The following CES5A variants were observed in gnomAD, a reference collection of about 807,000 sequenced individuals.
The protein encoded by CES5A is carboxylesterase 5A, also known as carboxylesterase 5.
CES5A carries 67 observed loss-of-function variants against 62.9 expected under a neutral mutation model. The observed-to-expected ratio is 1.07, with a 90% CI of 0.88 to 1.31. The LOEUF is 1.31. CES5A is among the 50% of genes most tolerant of loss of function. The pLI, the probability that CES5A is intolerant of heterozygous loss-of-function variation, is 0.00. For synonymous variants in CES5A, 296 were observed against 280.8 expected (o/e 1.05, Z -0.54); for missense variants, 748 against 708.5 (o/e 1.06, Z -0.63).
chr16:55,849,558 C>T lies in CES5A; in HGVS notation c.1423+66G>A, dbSNP rs80247423. The T allele has an allele frequency of 8.4e-3, 13,127 of 1,563,084 alleles. 544 individuals are homozygous for T. In the African/African-American group the frequency reaches 0.11, roughly 13 times the overall value. ...AATGCCAACCCCGAAGTCCTCCAGGCGCTTGCATCGTGGTGGGGTAAGCAA... is the reference window on the plus strand; with the variant it reads ...AATGCCAACCCCGAAGTCCTCCAGGTGCTTGCATCGTGGTGGGGTAAGCAA... On this transcript the variant is annotated intron_variant, in intron 11 of 12. Transcript: ENST00000290567.
At chr16:55,923,820 T>G (rs1168181081) in intron 1 of CES5A, among the ~76,000 whole-genome samples, 1 of 151,872 alleles carries the variant, frequency 6.6e-6, no homozygotes, top group African/African-American at 2.4e-5. Context: ...TAAAACCACT[T>G]GCTTATCTCA....
intron 1 of CES5A, among the ~76,000 whole-genome samples, chr16:55,951,266 A>G (rs1247738238): frequency 6.6e-6 from 1 of 152,140 alleles, no homozygotes; most frequent in African/African-American, 2.4e-5. Flanking sequence ...ATGGAAATTT[A>G]TGTCCTCACA....
At position 55,871,659 on chromosome 16, in the gene CES5A, G is replaced by T. The variant is rs148234688; in HGVS notation, c.383C>A (p.Ala128Glu). ...SEDCLYLNIYAPAHADTGSKL... is the reference protein window; with the variant it reads ...SEDCLYLNIYEPAHADTGSKL... ...GGAGCCTGTATCGGCGTGGGCAGGC[G>T]CATAGATGTTCAGGTAGAGGCAGTC... The change falls in exon 3 of 13, where the codon GCG becomes GAG. Residue 128 changes from alanine to glutamate, a missense_variant. Transcript: ENST00000290567. 5,759 of 1,614,068 alleles carry T rather than the reference G, an allele frequency of 3.6e-3. 178 individuals carry two copies. The East Asian group carries it at 0.057, about 16-fold the overall frequency.
At chr16:55,859,122 G>A (rs74537299) in intron 8 of CES5A, among the ~76,000 whole-genome samples, 3,041 of 152,280 alleles carry the variant, frequency 0.02, 93 homozygotes, top group African/African-American at 0.066. Flanking sequence ...TGCAGCTTAT[G>A]CAACCTTAGC....
chr16:55,878,675 C>T (rs1476781008), upstream of CES5A, among the ~76,000 whole-genome samples: 8 of 147,490 alleles, frequency 5.4e-5, no homozygotes, highest in Non-Finnish European at 1.0e-4. Flanking sequence ...CTCTGCATCC[C>T]ACCACTGCAC....
At chr16:55,890,244 G>A (rs1369081849) in intron 1 of CES5A, among the ~76,000 whole-genome samples, 1 of 151,710 alleles carries the variant, frequency 6.6e-6, no homozygotes, top group Admixed American at 6.6e-5. Context: ...AAAAATGAAA[G>A]AACCTGAAAT....
At chr16:55,858,722 C>G (rs1305336729) in intron 8 of CES5A, among the ~76,000 whole-genome samples, 3 of 152,214 alleles carry the variant, frequency 2.0e-5, no homozygotes, top group African/African-American at 7.2e-5. Flanking sequence ...GGAGGCCAAT[C>G]TATATAAATG....
intron 1 of CES5A, among the ~76,000 whole-genome samples, chr16:55,910,687 C>T (rs2034084014): frequency 6.6e-6 from 1 of 152,164 alleles, no homozygotes; most frequent in South Asian, 2.1e-4. Context: ...TGCAGAAAAT[C>T]CTCAATGTAC....
chr16:55,906,231 A>G (rs2034038933), intron 1 of CES5A, among the ~76,000 whole-genome samples: 1 of 152,212 alleles, frequency 6.6e-6, no homozygotes, highest in South Asian at 2.1e-4. Flanking sequence ...TCTGACTGAG[A>G]TTGTCCCTGT....
At chr16:55,891,987 C>T (rs1375825390) in intron 1 of CES5A, among the ~76,000 whole-genome samples, 3 of 152,182 alleles carry the variant, frequency 2.0e-5, no homozygotes, top group Admixed American at 6.5e-5. Context: ...TCTCTATTAA[C>T]ATAGCTAGAT....
Position 55,871,696 on chromosome 16 carries a change from C to T in CES5A, c.346G>A (p.Gly116Arg), listed in dbSNP as rs760526464. ...AGGTAGAGGCAGTCTTCTGACACTC[C>T]GAATTTCGGGTAATGCACCTTGAGC... is the stretch of plus-strand genomic sequence containing the variant. ...HMLKVHYPKF[G>R]VSEDCLYLNI... The change falls in exon 3 of 13, where the codon GGA (glycine) becomes AGA (arginine). Residue 116 changes from glycine to arginine, a missense_variant. By Grantham distance (125) the Gly-to-Arg change is moderately radical. Transcript: ENST00000290567. 1.8e-5 allele frequency: 29 copies of T among 1,613,974 alleles called. No individual in the cohort carries two copies. Among genetic ancestry groups the T allele is most frequent in the Middle Eastern group, 1.6e-4 (1 of 6,084 alleles).
chr16:55,862,091 G>A (rs1252506248), intron 6 of CES5A, among the ~76,000 whole-genome samples: 2 of 152,014 alleles, frequency 1.3e-5, no homozygotes, highest in Non-Finnish European at 2.9e-5. Flanking sequence ...TTCCCTCCAC[G>A]ATGTCCTTTC....
upstream of CES5A, among the ~76,000 whole-genome samples, chr16:55,878,109 G>C (rs1035381443): frequency 7.9e-5 from 12 of 152,150 alleles, no homozygotes; most frequent in African/African-American, 2.7e-4. Context: ...GGCTCTCCCT[G>C]TTCTCCCAGA....
At chr16:55,864,116 C>T (rs565637525) in intron 5 of CES5A, among the ~76,000 whole-genome samples, 5 of 152,148 alleles carry the variant, frequency 3.3e-5, no homozygotes, top group Non-Finnish European at 5.9e-5. Context: ...GCCCGTATCA[C>T]AAAACTGTTG....
intron 7 of CES5A, among the ~76,000 whole-genome samples, chr16:55,861,120 T>C: frequency 6.6e-6 from 1 of 152,334 alleles, no homozygotes; most frequent in African/African-American, 2.4e-5. Context: ...TCTGGAAGCA[T>C]GCATAACAAG....
chr16:55,885,021 C>T (rs1289860671), intron 1 of CES5A, among the ~76,000 whole-genome samples: 1 of 152,118 alleles, frequency 6.6e-6, no homozygotes, highest in East Asian at 1.9e-4. Context: ...TAATCTTTCC[C>T]CAAGGCTGCC....
chr16:55,931,799 G>A (rs2034314997), intron 2 of CES5A, among the ~76,000 whole-genome samples: 2 of 152,186 alleles, frequency 1.3e-5, no homozygotes, highest in South Asian at 2.1e-4. Context: ...TGAGATTTCT[G>A]AGGACAGGGA....
At chr16:55,900,437 C>T (rs566329703) in intron 1 of CES5A, among the ~76,000 whole-genome samples, 1 of 152,180 alleles carries the variant, frequency 6.6e-6, no homozygotes, top group Non-Finnish European at 1.5e-5. Flanking sequence ...AGGCTTTCCT[C>T]TCGAGGAATA....
At position 55,861,447 on chromosome 16, in the gene CES5A, T is replaced by C; in HGVS notation, c.880A>G (p.Thr294Ala). 6.2e-7 allele frequency: 1 copy of C among 1,613,908 alleles called. No individual in the cohort carries two copies. The highest frequency in any genetic ancestry group is 8.5e-7 in the Non-Finnish European group (1 of 1,179,828). ...DSEALLRCLR[T>A]KPSKELLTLS... is the part of the protein sequence containing the mutation. ...GTCAGCAGCTCCTTGGAGGGTTTTG[T>C]CCTCAGGCACCTCAGCAGGGCCTCA... is the stretch of plus-strand genomic sequence containing the variant. The change falls in exon 7 of 13, where the codon ACA (threonine) becomes GCA (alanine). Residue 294 changes from threonine (T) to alanine (A), a missense_variant. Thr to Ala is a moderately conservative substitution (Grantham distance 58). Coordinates refer to ENST00000290567, the MANE Select transcript of CES5A (RefSeq NM_001143685.2).
Sources: allele counts gnomAD v4.1 joint callset (sites outside exome capture counted in the v4.1 genomes callset), GRCh38; gene constraint gnomAD v4.1.1; transcripts MANE v1.5; gene names NCBI Gene and HGNC (gene_info 2026-07-23, HGNC 2026-07-21).